DOCK3: variants seen among roughly 807,000 people sequenced by gnomAD.
The protein encoded by DOCK3 is dedicator of cytokinesis protein 3.
In DOCK3, 60 loss-of-function variants were observed where a neutral mutation model predicts 265.6. The observed-to-expected ratio is 0.23, with a 90% CI of 0.18 to 0.28. DOCK3 has a LOEUF of 0.28. Among genes scored for constraint, DOCK3 ranks in the 10% least tolerant of loss-of-function variants. The pLI, the probability that DOCK3 is intolerant of heterozygous loss-of-function variation, is 1.00. For synonymous variants in DOCK3, 881 were observed against 938.0 expected, an observed-to-expected ratio of 0.94 and a Z score of 1.11; for missense variants, 1,981 against 2,594.3, an observed-to-expected ratio of 0.76 and a Z score of 5.14.
chr3:51,215,673 A>G (rs929533684), intron 14 of DOCK3, among the ~76,000 whole-genome samples: 2 of 152,166 alleles, frequency 1.3e-5, no homozygotes, highest in African/African-American at 4.8e-5. Flanking sequence ...TTTCCAGGCT[A>G]TGCCCAGATT....
At chr3:50,977,029 A>T (rs906177997) in intron 5 of DOCK3, among the ~76,000 whole-genome samples, 1 of 149,100 alleles carries the variant, frequency 6.7e-6, no homozygotes, top group African/African-American at 2.5e-5. Context: ...TTTTGAGCCT[A>T]TGTGTGTCTC....
At chr3:50,895,972 A>T (rs1447375839) in intron 4 of DOCK3, among the ~76,000 whole-genome samples, 1 of 152,198 alleles carries the variant, frequency 6.6e-6, no homozygotes, top group South Asian at 2.1e-4. Context: ...ACAGTGCTGC[A>T]ATAAACATAC....
At chr3:50,802,037 G>T (rs1304560900) in intron 2 of DOCK3, among the ~76,000 whole-genome samples, 1 of 151,830 alleles carries the variant, frequency 6.6e-6, no homozygotes, top group African/African-American at 2.4e-5. Flanking sequence ...GTTTTCTTTT[G>T]CATGGAATAT....
chr3:51,281,172 C>T (rs962197002), intron 27 of DOCK3, among the ~76,000 whole-genome samples: 3 of 151,560 alleles, frequency 2.0e-5, no homozygotes, highest in African/African-American at 2.4e-5. Context: ...TCTTGTAGAA[C>T]AGTGATGTCC....
chr3:51,138,896 A>G (rs2084924618), intron 9 of DOCK3, among the ~76,000 whole-genome samples: 1 of 152,232 alleles, frequency 6.6e-6, no homozygotes, highest in South Asian at 2.1e-4. Context: ...TGTTATATGC[A>G]TGGTATACAT....
chr3:50,767,499 G>A (rs373612078), intron 1 of DOCK3, among the ~76,000 whole-genome samples: 1 of 152,016 alleles, frequency 6.6e-6, no homozygotes, highest in Admixed American at 6.6e-5. Flanking sequence ...GGTACCAGTA[G>A]CATGCTGTTT....
chr3:51,270,416 A>G (rs921120219), intron 23 of DOCK3, among the ~76,000 whole-genome samples: 1 of 152,192 alleles, frequency 6.6e-6, no homozygotes, highest in Admixed American at 6.5e-5. Flanking sequence ...TCTCTGCCAT[A>G]CTTTCTTGAG....
At chr3:51,249,203 G>C in intron 22 of DOCK3, among the ~76,000 whole-genome samples, 1 of 140,628 alleles carries the variant, frequency 7.1e-6, no homozygotes, top group Non-Finnish European at 1.6e-5. Context: ...GGGAGGTGGG[G>C]GGGTCAGCCC....
At chr3:51,163,879 T>C (rs2086253054) in intron 12 of DOCK3, among the ~76,000 whole-genome samples, 1 of 152,158 alleles carries the variant, frequency 6.6e-6, no homozygotes, top group Admixed American at 6.5e-5. Flanking sequence ...TATTGCTCAT[T>C]CTTGGCTCTC....
chr3:51,031,844 G>C (rs1395658696), intron 5 of DOCK3, among the ~76,000 whole-genome samples: 5 of 152,196 alleles, frequency 3.3e-5, no homozygotes, highest in Non-Finnish European at 5.9e-5. Context: ...CAGCATGTGA[G>C]AACATAGCAT....
chr3:51,048,023 G>T (rs1234349440), intron 5 of DOCK3, among the ~76,000 whole-genome samples: 1 of 151,862 alleles, frequency 6.6e-6, no homozygotes, highest in Non-Finnish European at 1.5e-5. Flanking sequence ...CACACCAAAA[G>T]GATCATACAT....
chr3:50,711,253 G>T (rs1251143640), intron 1 of DOCK3, among the ~76,000 whole-genome samples: 1 of 147,318 alleles, frequency 6.8e-6, no homozygotes, highest in African/African-American at 2.5e-5. Flanking sequence ...TACTTGTAAT[G>T]TTGCTTAGTC....
chr3:51,117,294 T>C (rs1354883767), intron 9 of DOCK3, among the ~76,000 whole-genome samples: 1 of 152,230 alleles, frequency 6.6e-6, no homozygotes, highest in Non-Finnish European at 1.5e-5. Context: ...GAATCAGCCT[T>C]GCCTCCCAGG....
At chr3:51,350,139 G>T in intron 39 of DOCK3, 149 bp from the exon 40 acceptor site, 1 of 646,918 alleles carries the variant, frequency 1.5e-6, no homozygotes, top group Non-Finnish European at 2.6e-6. Context: ...CTGGAGAGAG[G>T]CTGGTCATGT....
chr3:51,181,767 G>GT (rs1182872189), intron 12 of DOCK3, among the ~76,000 whole-genome samples: 3 of 151,882 alleles, frequency 2.0e-5, no homozygotes, highest in South Asian at 4.2e-4. Context: ...GTGATAGAAT[G>GT]TTTTTTTTCT....
intron 5 of DOCK3, among the ~76,000 whole-genome samples, chr3:50,999,885 C>G (rs2078414220): frequency 6.6e-6 from 1 of 152,144 alleles, no homozygotes; most frequent in Non-Finnish European, 1.5e-5. Flanking sequence ...ATAATTTTAA[C>G]AGATTTCATT....
At chr3:51,067,861 A>T (rs113017997) in intron 6 of DOCK3, among the ~76,000 whole-genome samples, 3,911 of 152,290 alleles carry the variant, frequency 0.026, 80 homozygotes, top group Non-Finnish European at 0.033. Context: ...AAGTCATTTC[A>T]TACCATTAGA....
At chr3:50,696,629 C>T (rs2035635588) in intron 1 of DOCK3, among the ~76,000 whole-genome samples, 1 of 152,132 alleles carries the variant, frequency 6.6e-6, no homozygotes, top group Non-Finnish European at 1.5e-5. Context: ...TTTGGGAGGA[C>T]CATGTTATTT....
At chr3:50,900,552 G>A (rs529489626) in intron 4 of DOCK3, among the ~76,000 whole-genome samples, 1 of 152,250 alleles carries the variant, frequency 6.6e-6, no homozygotes, top group Non-Finnish European at 1.5e-5. Context: ...AGGAGAAGAG[G>A]CATTCTGATT....
Sources: allele counts gnomAD v4.1 joint callset (sites outside exome capture counted in the v4.1 genomes callset), GRCh38; gene constraint gnomAD v4.1.1; transcripts MANE v1.5; gene names NCBI Gene and HGNC (gene_info 2026-07-23, HGNC 2026-07-21).